Variants in PPARGC1A observed in about 807,000 individuals in gnomAD.
PPARGC1A encodes the protein PPARG coactivator 1 alpha.
A neutral mutation model predicts 88.7 loss-of-function variants in PPARGC1A; 25 were observed. That is an observed-to-expected ratio of 0.28 (90% CI 0.21 to 0.39). The LOEUF (loss-of-function observed/expected upper bound fraction) is 0.39, where lower values mean the gene tolerates loss of function less well. Among genes scored for constraint, PPARGC1A ranks in the 10% least tolerant of loss-of-function variants. The pLI is 1.00. For missense variants in PPARGC1A, 880 were observed against 968.7 expected, an observed-to-expected ratio of 0.91 and a Z score of 1.22; for synonymous variants, 363 against 355.6, an observed-to-expected ratio of 1.02 and a Z score of -0.24.
the PPARGC1A span, among the ~76,000 whole-genome samples, chr4:23,994,143 G>A: frequency 6.6e-6 from 1 of 152,090 alleles, no homozygotes; most frequent in African/African-American, 2.4e-5. Flanking sequence ...TCCAAGCAAA[G>A]GCTCTTTGTA....
the PPARGC1A span, among the ~76,000 whole-genome samples, chr4:24,442,553 C>G: frequency 6.8e-4 from 103 of 152,164 alleles, no homozygotes; most frequent in African/African-American, 2.4e-3. Context: ...AGAATGACAG[C>G]AACAATAATG....
At chr4:24,458,963 C>G in the PPARGC1A span, among the ~76,000 whole-genome samples, 1 of 152,160 alleles carries the variant, frequency 6.6e-6, no homozygotes, top group Non-Finnish European at 1.5e-5. Flanking sequence ...CTGTGATTAT[C>G]TCTAGGTATT....
At chr4:24,377,281 G>C in the PPARGC1A span, among the ~76,000 whole-genome samples, 439 of 152,212 alleles carry the variant, frequency 2.9e-3, 2 homozygotes, top group Admixed American at 4.1e-3. Context: ...ACCCAGCCCA[G>C]AGTGGGGCAG....
At chr4:23,857,865 A>C (rs1189317600) in intron 2 of PPARGC1A, among the ~76,000 whole-genome samples, 3 of 151,714 alleles carry the variant, frequency 2.0e-5, no homozygotes, top group Non-Finnish European at 4.4e-5. Flanking sequence ...TACTAAGCCT[A>C]GTTCAACACC....
the PPARGC1A span, among the ~76,000 whole-genome samples, chr4:24,182,610 A>T: frequency 1.3e-5 from 2 of 152,090 alleles, no homozygotes; most frequent in African/African-American, 4.8e-5. Context: ...TTACACTCCC[A>T]CCAACAGTGT....
the PPARGC1A span, among the ~76,000 whole-genome samples, chr4:23,945,968 C>G: frequency 7.2e-5 from 11 of 152,242 alleles, no homozygotes; most frequent in East Asian, 1.9e-3. Flanking sequence ...ACTGGTGCAA[C>G]CCAGAACAGC....
the PPARGC1A span, among the ~76,000 whole-genome samples, chr4:24,456,644 C>A: frequency 6.6e-6 from 1 of 151,888 alleles, no homozygotes; most frequent in East Asian, 1.9e-4. Flanking sequence ...AGATTAAGAG[C>A]TTTGAGGTTT....
At chr4:24,057,453 GT>G in the PPARGC1A span, among the ~76,000 whole-genome samples, 8 of 86,668 alleles carry the variant, frequency 9.2e-5, no homozygotes, top group East Asian at 2.7e-4. Flanking sequence ...GGCTAAGATG[GT>G]TTAAAAAAAA....
the PPARGC1A span, among the ~76,000 whole-genome samples, chr4:23,913,245 TATA>T: frequency 8.2e-5 from 3 of 36,710 alleles, no homozygotes; most frequent in Non-Finnish European, 1.1e-4. Context: ...ATATATTTTA[TATA>T]TATATATATA....
the PPARGC1A span, among the ~76,000 whole-genome samples, chr4:24,184,263 ACTT>A: frequency 2.0e-5 from 3 of 152,160 alleles, no homozygotes; most frequent in Non-Finnish European, 2.9e-5. Flanking sequence ...TAGGAAACTG[ACTT>A]CTTAAGGAAA....
At chr4:23,951,210 G>C in the PPARGC1A span, among the ~76,000 whole-genome samples, 1 of 152,068 alleles carries the variant, frequency 6.6e-6, no homozygotes, top group Non-Finnish European at 1.5e-5. Flanking sequence ...AGGGAATTGG[G>C]GGATGGTTTC....
At chr4:24,060,046 T>C in the PPARGC1A span, among the ~76,000 whole-genome samples, 2 of 152,206 alleles carry the variant, frequency 1.3e-5, no homozygotes, top group African/African-American at 4.8e-5. Context: ...GCATGAAGAA[T>C]GCTTCTTTCC....
At chr4:23,932,928 A>G in the PPARGC1A span, among the ~76,000 whole-genome samples, 51,809 of 152,094 alleles carry the variant, frequency 0.34, 9,258 homozygotes, top group Non-Finnish European at 0.41. Context: ...AGCTGTTAAC[A>G]TTAGACAGGT....
the PPARGC1A span, among the ~76,000 whole-genome samples, chr4:24,217,230 T>A: frequency 6.6e-6 from 1 of 152,188 alleles, no homozygotes; most frequent in Non-Finnish European, 1.5e-5. Context: ...CAACAGATCA[T>A]GAAGCTGATT....
At chr4:24,392,149 A>C in the PPARGC1A span, among the ~76,000 whole-genome samples, 1 of 152,190 alleles carries the variant, frequency 6.6e-6, no homozygotes, top group Non-Finnish European at 1.5e-5. Flanking sequence ...CCAATGAAAA[A>C]AATTATCATG....
At chr4:24,132,864 G>T in the PPARGC1A span, among the ~76,000 whole-genome samples, 1 of 151,678 alleles carries the variant, frequency 6.6e-6, no homozygotes, top group Non-Finnish European at 1.5e-5. Flanking sequence ...TGGTGGCATT[G>T]CTCTGTGATA....
the PPARGC1A span, among the ~76,000 whole-genome samples, chr4:23,931,308 G>A: frequency 6.6e-6 from 1 of 151,930 alleles, no homozygotes; most frequent in African/African-American, 2.4e-5. Context: ...TCTTGGCTAA[G>A]AGGACACAAA....
chr4:24,216,518 G>A, the PPARGC1A span, among the ~76,000 whole-genome samples: 1 of 152,100 alleles, frequency 6.6e-6, no homozygotes, highest in Non-Finnish European at 1.5e-5. Context: ...CTCTTCTTCA[G>A]GAGGAGATAA....
At chr4:23,969,667 C>T in the PPARGC1A span, among the ~76,000 whole-genome samples, 1 of 152,082 alleles carries the variant, frequency 6.6e-6, no homozygotes, top group Non-Finnish European at 1.5e-5. Context: ...CTCAGCTGTC[C>T]AGGAATCAAC....
Sources: gnomAD v4.1 joint callset for allele counts (sites outside exome capture counted in the v4.1 genomes callset) on GRCh38, gnomAD v4.1.1 for gene constraint, MANE v1.5 for transcripts, NCBI Gene and HGNC (gene_info 2026-07-23, HGNC 2026-07-21) for gene names.